Variants in LPP observed in about 807,000 individuals in gnomAD.
The protein encoded by LPP is LIM domain containing preferred translocation partner in lipoma, also known as lipoma-preferred partner.
In LPP, 38 loss-of-function variants were observed where a neutral mutation model predicts 60.4. The observed-to-expected ratio is 0.63, with a 90% confidence interval of 0.49 to 0.83. The LOEUF (loss-of-function observed/expected upper bound fraction) is 0.83, where lower values mean the gene tolerates loss of function less well. Among genes scored for constraint, LPP ranks in the 40% least tolerant of loss-of-function variants. The pLI is 0.00. For synonymous variants in LPP, 328 were observed against 290.8 expected, an observed-to-expected ratio of 1.13 and a Z score of -1.30; for missense variants, 902 against 783.6, an observed-to-expected ratio of 1.15 and a Z score of -1.80.
At chr3:188,674,935 G>A (rs1857685900) in intron 7 of LPP, among the ~76,000 whole-genome samples, 1 of 152,196 alleles carries the variant, frequency 6.6e-6, no homozygotes, top group Non-Finnish European at 1.5e-5. Context: ...GCAACTAGAA[G>A]TGTGTGAATG....
chr3:188,214,202 C>T (rs1394490626), intron 1 of LPP, among the ~76,000 whole-genome samples: 1 of 152,052 alleles, frequency 6.6e-6, no homozygotes, highest in Non-Finnish European at 1.5e-5. Flanking sequence ...GCGATCTCGG[C>T]TCACTGCAAC....
chr3:188,310,023 C>G (rs1417606645), intron 2 of LPP, among the ~76,000 whole-genome samples: 1 of 151,800 alleles, frequency 6.6e-6, no homozygotes, highest in African/African-American at 2.4e-5. Context: ...TCACACAGGC[C>G]AAAAACAGAA....
chr3:188,524,204 G>A (rs1395099011), intron 5 of LPP, among the ~76,000 whole-genome samples: 1 of 152,132 alleles, frequency 6.6e-6, no homozygotes, highest in East Asian at 1.9e-4. Flanking sequence ...AGACTTCCAA[G>A]CACTGGCATG....
chr3:188,311,655 T>C (rs1753491753), intron 2 of LPP, among the ~76,000 whole-genome samples: 1 of 152,130 alleles, frequency 6.6e-6, no homozygotes, highest in African/African-American at 2.4e-5. Flanking sequence ...TTCTGTTTTT[T>C]TTCTGTTTTC....
chr3:188,707,007 A>G (rs909571816), intron 7 of LPP, among the ~76,000 whole-genome samples: 2 of 152,198 alleles, frequency 1.3e-5, no homozygotes, highest in African/African-American at 4.8e-5. Flanking sequence ...TTTTAATCAC[A>G]TAGCACAAAG....
chr3:188,512,876 A>G (rs1395396674), intron 5 of LPP, among the ~76,000 whole-genome samples: 2 of 152,214 alleles, frequency 1.3e-5, no homozygotes, highest in Non-Finnish European at 2.9e-5. Context: ...TGTTACCAAA[A>G]TGAAAAATAA....
At chr3:188,701,543 C>G (rs1434490363) in intron 7 of LPP, among the ~76,000 whole-genome samples, 2 of 152,234 alleles carry the variant, frequency 1.3e-5, no homozygotes, top group Non-Finnish European at 2.9e-5. Context: ...TGTGGTAGTT[C>G]AGGGCCCAGT....
intron 1 of LPP, among the ~76,000 whole-genome samples, chr3:188,177,220 G>C (rs1040669845): frequency 1.3e-5 from 2 of 152,222 alleles, no homozygotes; most frequent in Non-Finnish European, 2.9e-5. Context: ...GGGATCGCCT[G>C]CAATCCAGTA....
chr3:188,783,636 T>C (rs1364568865), intron 9 of LPP, among the ~76,000 whole-genome samples: 1 of 152,002 alleles, frequency 6.6e-6, no homozygotes, highest in East Asian at 1.9e-4. Flanking sequence ...AAATAATCTG[T>C]ACAACAAACC....
chr3:188,831,616 T>G (rs979065996), intron 9 of LPP, among the ~76,000 whole-genome samples: 8 of 152,328 alleles, frequency 5.3e-5, no homozygotes, highest in Non-Finnish European at 1.0e-4. Flanking sequence ...CCATGTACAC[T>G]GCATAGATTG....
intron 6 of LPP, among the ~76,000 whole-genome samples, chr3:188,550,861 T>C (rs1827947594): frequency 6.6e-6 from 1 of 152,166 alleles, no homozygotes; most frequent in Admixed American, 6.5e-5. Flanking sequence ...TTAAACGATA[T>C]GATATAAATG....
chr3:188,429,654 A>G (rs1790404056), intron 4 of LPP, among the ~76,000 whole-genome samples: 1 of 152,208 alleles, frequency 6.6e-6, no homozygotes, highest in East Asian at 1.9e-4. Flanking sequence ...TCTTGCTTAT[A>G]TGAGCCCGTC....
chr3:188,781,026 G>C (rs1037102389), intron 9 of LPP, among the ~76,000 whole-genome samples: 3 of 152,240 alleles, frequency 2.0e-5, no homozygotes, highest in Non-Finnish European at 4.4e-5. Flanking sequence ...ACAGCACTGA[G>C]AGTTTTGAGT....
chr3:188,282,457 G>A (rs752164619), intron 2 of LPP, among the ~76,000 whole-genome samples: 11 of 152,160 alleles, frequency 7.2e-5, no homozygotes, highest in Non-Finnish European at 2.9e-5. Context: ...GTGTACACAT[G>A]TTCATCTCCT....
intron 7 of LPP, among the ~76,000 whole-genome samples, chr3:188,629,898 A>C (rs1437825973): frequency 6.6e-6 from 1 of 152,140 alleles, no homozygotes; most frequent in Non-Finnish European, 1.5e-5. Flanking sequence ...AAACCAATGA[A>C]AGAAGCTAGA....
intron 8 of LPP, among the ~76,000 whole-genome samples, chr3:188,744,954 A>G (rs911522151): frequency 6.6e-6 from 1 of 151,824 alleles, no homozygotes; most frequent in African/African-American, 2.4e-5. Flanking sequence ...TTTCTCTGTT[A>G]ATTGGCTTTT....
chr3:188,292,834 C>T (rs891242399), intron 2 of LPP, among the ~76,000 whole-genome samples: 6 of 152,158 alleles, frequency 3.9e-5, no homozygotes, highest in Non-Finnish European at 1.5e-5. Context: ...CTCCTTGACC[C>T]CTTGACTTTC....
chr3:188,448,595 C>T (rs16863326), intron 4 of LPP, among the ~76,000 whole-genome samples: 149,929 of 152,242 alleles, frequency 0.98, 73,833 homozygotes, highest in Middle Eastern at 0.99. Flanking sequence ...ATCAGAAAGA[C>T]GATCTCTGTC....
At chr3:188,396,209 G>T (rs1015859945) in intron 3 of LPP, among the ~76,000 whole-genome samples, 1 of 152,012 alleles carries the variant, frequency 6.6e-6, no homozygotes, top group African/African-American at 2.4e-5. Context: ...ATCAATAGTA[G>T]ACTCATATTC....
Sources: gnomAD v4.1 joint callset for allele counts (sites outside exome capture counted in the v4.1 genomes callset) on GRCh38, gnomAD v4.1.1 for gene constraint, MANE v1.5 for transcripts, NCBI Gene and HGNC (gene_info 2026-07-23, HGNC 2026-07-21) for gene names.